The following ADGRL2 variants were observed in gnomAD, a reference collection of about 807,000 sequenced individuals.
ADGRL2 encodes the protein calcium-independent alpha-latrotoxin receptor 2.
ADGRL2 carries 44 observed loss-of-function variants against 157.4 expected under a neutral mutation model. That is an observed-to-expected ratio of 0.28 (90% CI 0.22 to 0.36). ADGRL2 has a LOEUF of 0.36. Ranked by LOEUF, ADGRL2 falls within the 10% of genes least tolerant of loss-of-function variation. The probability of loss-of-function intolerance (pLI) is 1.00; values close to 1 mark genes in which losing one functional copy is unlikely to be tolerated. For synonymous variants in ADGRL2, 585 were observed against 624.7 expected (o/e 0.94, Z 0.95); for missense variants, 1,510 against 1,768.9 (o/e 0.85, Z 2.63).
chr1:81,479,365 C>T (rs1180998152), intron 2 of ADGRL2, among the ~76,000 whole-genome samples: 4 of 151,740 alleles, frequency 2.6e-5, no homozygotes, highest in Non-Finnish European at 4.4e-5. Context: ...CACCTGTAAT[C>T]CCAGCTGCTC....
intron 2 of ADGRL2, among the ~76,000 whole-genome samples, chr1:81,575,659 ATT>A (rs545452160): frequency 6.6e-6 from 1 of 151,994 alleles, no homozygotes; most frequent in Admixed American, 6.6e-5. Flanking sequence ...ATACATACAG[ATT>A]TTTTTTGTTT....
chr1:81,506,880 C>T lies in ADGRL2; in HGVS notation c.-248+61791C>T, dbSNP rs541168947. Among the ~76,000 whole-genome samples the T allele has an allele frequency of 4.6e-5, 7 of 152,310 alleles. No individual in the cohort carries two copies. The East Asian group carries it at 1.3e-3, about 29-fold the overall frequency. The stretch of plus-strand genomic sequence containing the variant: ...TTGACCTTCAACCCCTTTCCTCTTC[C>T]TCTGCACATTCATCTACATAACAAA... On this transcript the variant is annotated intron_variant, in intron 2 of 24. Transcript: ENST00000370721.
chr1:81,556,974 G>A (rs1390671961), intron 2 of ADGRL2: 1 of 159,606 alleles, frequency 6.3e-6, no homozygotes, highest in Non-Finnish European at 1.3e-5. Flanking sequence ...AGCTACTCGA[G>A]AGACTGAGGC....
intron 1 of ADGRL2, among the ~76,000 whole-genome samples, chr1:81,702,461 CA>C (rs1387995788): frequency 2.0e-5 from 3 of 152,088 alleles, no homozygotes. Flanking sequence ...CACAAGTATG[CA>C]AGAAGGAAGA....
chr1:81,574,902 A>C (rs2080767556), intron 2 of ADGRL2, among the ~76,000 whole-genome samples: 1 of 152,228 alleles, frequency 6.6e-6, no homozygotes, highest in African/African-American at 2.4e-5. Context: ...ATTACCAGAT[A>C]CCTTAGAATA....
chr1:81,528,062 G>A (rs2079507691), intron 2 of ADGRL2, among the ~76,000 whole-genome samples: 1 of 152,124 alleles, frequency 6.6e-6, no homozygotes, highest in South Asian at 2.1e-4. Context: ...GCGAGACTCC[G>A]TCTCAAAAGA....
At chr1:81,403,090 A>G (rs1488431414) in intron 1 of ADGRL2, among the ~76,000 whole-genome samples, 1 of 152,234 alleles carries the variant, frequency 6.6e-6, no homozygotes, top group Non-Finnish European at 1.5e-5. Flanking sequence ...AGAAGGCCTA[A>G]CCAACAGGTC....
upstream of ADGRL2, among the ~76,000 whole-genome samples, chr1:81,695,663 G>A (rs536672062): frequency 6.6e-6 from 1 of 152,066 alleles, no homozygotes; most frequent in South Asian, 2.1e-4. Flanking sequence ...TCTACTAAAA[G>A]TGCAAAAATT....
chr1:81,762,941 G>A (rs2085940846), intron 2 of ADGRL2, among the ~76,000 whole-genome samples: 1 of 150,696 alleles, frequency 6.6e-6, no homozygotes, highest in Admixed American at 6.6e-5. Flanking sequence ...AGTCCCAGCT[G>A]CTCAGGAGGC....
intron 1 of ADGRL2, among the ~76,000 whole-genome samples, chr1:81,739,939 C>T (rs1328166560): frequency 1.3e-5 from 2 of 152,132 alleles, no homozygotes; most frequent in African/African-American, 4.8e-5. Context: ...CATAAATATA[C>T]AAATGTACAT....
intron 1 of ADGRL2, among the ~76,000 whole-genome samples, chr1:81,805,767 A>G (rs559228953): frequency 2.8e-4 from 42 of 150,670 alleles, no homozygotes; most frequent in African/African-American, 8.7e-4. Flanking sequence ...TGTAATTGCT[A>G]TTATTGCACT....
intron 1 of ADGRL2, among the ~76,000 whole-genome samples, chr1:81,822,752 A>C (rs1367765188): frequency 6.6e-6 from 1 of 152,134 alleles, no homozygotes; most frequent in African/African-American, 2.4e-5. Context: ...TTTTGAGATA[A>C]GTTTGAAATT....
At chr1:81,576,016 T>A (rs1367601217) in intron 2 of ADGRL2, among the ~76,000 whole-genome samples, 2 of 152,186 alleles carry the variant, frequency 1.3e-5, no homozygotes, top group African/African-American at 4.8e-5. Context: ...CTTCAACAGA[T>A]GAAATAGTAT....
At chr1:81,402,073 C>T (rs144189527) in intron 1 of ADGRL2, among the ~76,000 whole-genome samples, 219 of 89,670 alleles carry the variant, frequency 2.4e-3, no homozygotes, top group African/African-American at 5.7e-3. Flanking sequence ...AGATGGCATA[C>T]TTCCTTTTAA....
intron 3 of ADGRL2, among the ~76,000 whole-genome samples, chr1:81,654,166 G>A (rs547627946): frequency 9.2e-5 from 14 of 152,120 alleles, no homozygotes; most frequent in African/African-American, 2.9e-4. Flanking sequence ...GGCTGGTCTC[G>A]AACTTCTGAC....
At position 81,407,253 on chromosome 1, in the gene ADGRL2, C is replaced by T. The variant is rs954323267; in HGVS notation, c.-301-37783C>T. 2.0e-5 allele frequency among the ~76,000 whole-genome samples: 3 copies of T among 152,118 alleles called. No individual in the cohort carries two copies. In the East Asian group the frequency reaches 5.8e-4, roughly 29 times the overall value. ...AAGGATCTGGTTTGACTTTCAAACC[C>T]CCATTGCCAATGAAAACCAGCCTCC... On this transcript the variant is annotated intron_variant, in intron 1 of 24. Coordinates refer to the ADGRL2 transcript ENST00000370721.
At chr1:81,646,154 C>T (rs1402758708) in intron 3 of ADGRL2, among the ~76,000 whole-genome samples, 1 of 152,116 alleles carries the variant, frequency 6.6e-6, no homozygotes, top group Non-Finnish European at 1.5e-5. Flanking sequence ...AGTGCTCTTC[C>T]CTACAGCTAA....
At chr1:81,832,009 T>C (rs2091975162) in intron 1 of ADGRL2, among the ~76,000 whole-genome samples, 1 of 152,170 alleles carries the variant, frequency 6.6e-6, no homozygotes, top group African/African-American at 2.4e-5. Context: ...GCTTTTTTGG[T>C]AAGGATTAGT....
At chr1:81,831,709 CTG>C (rs2091957178) in intron 1 of ADGRL2, among the ~76,000 whole-genome samples, 1 of 152,104 alleles carries the variant, frequency 6.6e-6, no homozygotes, top group African/African-American at 2.4e-5. Context: ...GGGAGCCTAA[CTG>C]TGTGCAAGGC....
Sources: gnomAD v4.1 joint callset for allele counts (sites outside exome capture counted in the v4.1 genomes callset) on GRCh38, gnomAD v4.1.1 for gene constraint, MANE v1.5 for transcripts, NCBI Gene and HGNC (gene_info 2026-07-23, HGNC 2026-07-21) for gene names.